Variants in SQOR observed in about 807,000 individuals in gnomAD.
SQOR encodes the protein sulfide:quinone oxidoreductase, mitochondrial.
Under a neutral mutation model 48.6 loss-of-function variants are expected in SQOR, and 39 were observed. The observed-to-expected ratio is 0.80, with a 90% CI of 0.62 to 1.05. The LOEUF (loss-of-function observed/expected upper bound fraction) is 1.05. Among genes scored for constraint, SQOR ranks in the 50% least tolerant of loss-of-function variants. SQOR has a pLI of 0.00. For missense variants in SQOR, 561 were observed against 559.9 expected, an observed-to-expected ratio of 1.00 and a Z score of -0.02; for synonymous variants, 220 against 206.2, an observed-to-expected ratio of 1.07 and a Z score of -0.57.
intron 1 of SQOR, among the ~76,000 whole-genome samples, chr15:45,638,084 G>A (rs982624451): frequency 6.6e-6 from 1 of 152,174 alleles, no homozygotes; most frequent in African/African-American, 2.4e-5. Flanking sequence ...AACCATCCCT[G>A]TGATTTACAT....
At chr15:45,674,882 G>A in intron 5 of SQOR, among the ~76,000 whole-genome samples, 1 of 152,168 alleles carries the variant, frequency 6.6e-6, no homozygotes, top group East Asian at 1.9e-4. Flanking sequence ...CTAGCAGCTA[G>A]TCGTGTATGG....
rs189198183 is a variant in SQOR at position 45,686,446 on chromosome 15, C to T, written c.1049-1891C>T. ...GGATTACAGGCGTGAGCCACCGCGC[C>T]CGGCCTCATTTAATATTTTTAAGTA... On this transcript the variant is annotated intron_variant, in intron 7 of 9. Transcript: ENST00000260324. 6.5e-4 allele frequency among the ~76,000 whole-genome samples: 99 copies of T among 152,152 alleles called. 3 individuals carry two copies. Among genetic ancestry groups the T allele is most frequent in the Admixed American group, 4.2e-3 (64 of 15,278 alleles).
At chr15:45,670,046 A>C (rs1889911268) in intron 4 of SQOR, 65 bp downstream of exon 4, 1 of 1,457,312 alleles carries the variant, frequency 6.9e-7, no homozygotes, top group Non-Finnish European at 9.6e-7. Context: ...TGCTGCATTT[A>C]GTTGCTTTAT....
At chr15:45,658,260 G>A (rs1246788155) in intron 1 of SQOR, among the ~76,000 whole-genome samples, 2 of 152,158 alleles carry the variant, frequency 1.3e-5, no homozygotes, top group African/African-American at 4.8e-5. Context: ...TGCTAGAGGT[G>A]TGGAGGGCCT....
chr15:45,691,133 G>C lies in SQOR; in HGVS notation c.*103G>C. ...AGGACTTGGAACCTATCCTTGTAAA[G>C]AGTTCCTTGATGGGTAATGGTGACC... On this transcript the variant is annotated 3_prime_UTR_variant, in exon 10 of 10. Coordinates refer to ENST00000260324, the MANE Select transcript of SQOR (RefSeq NM_021199.4). 3 of 1,032,638 alleles carry C rather than the reference G, an allele frequency of 2.9e-6. No individual in the cohort carries two copies. Among genetic ancestry groups the C allele is most frequent in the Non-Finnish European group, 4.6e-6 (3 of 651,648 alleles). 64.0% of individuals were successfully genotyped at this position (1,032,638 alleles called of 1,614,324 possible).
chr15:45,650,415 G>T (rs1012357907), intron 1 of SQOR, among the ~76,000 whole-genome samples: 6 of 152,120 alleles, frequency 3.9e-5, no homozygotes, highest in East Asian at 1.9e-4. Context: ...GTGGGTTCGT[G>T]GTCTCCCTGG....
intron 6 of SQOR, among the ~76,000 whole-genome samples, chr15:45,677,347 G>C (rs1890055746): frequency 6.6e-6 from 1 of 152,072 alleles, no homozygotes; most frequent in Non-Finnish European, 1.5e-5. Context: ...TTCTAAAATA[G>C]AAGTGTTCTC....
intron 3 of SQOR, among the ~76,000 whole-genome samples, chr15:45,664,645 C>A (rs1889781961): frequency 6.6e-6 from 1 of 152,114 alleles, no homozygotes; most frequent in African/African-American, 2.4e-5. Flanking sequence ...TAGCATTTGC[C>A]TTTTTCGTGA....
chr15:45,643,330 G>A (rs1201135129), intron 1 of SQOR, among the ~76,000 whole-genome samples: 1 of 152,052 alleles, frequency 6.6e-6, no homozygotes, highest in African/African-American at 2.4e-5. Flanking sequence ...CAAGTAGCTG[G>A]GACTACAGGT....
intron 1 of SQOR, among the ~76,000 whole-genome samples, chr15:45,645,347 G>A (rs1389094491): frequency 1.3e-5 from 2 of 152,168 alleles, no homozygotes; most frequent in Admixed American, 1.3e-4. Flanking sequence ...AAGTCAGAGG[G>A]TGTGATGGTT....
intron 2 of SQOR, among the ~76,000 whole-genome samples, chr15:45,661,302 AAAAAAAAAAAAAG>A (rs1272777675): frequency 6.6e-6 from 1 of 150,546 alleles, no homozygotes; most frequent in African/African-American, 2.4e-5. Context: ...AAAAAAAAAA[AAAAAAAAAAAAAG>A]GACCATCTGA....
intron 5 of SQOR, among the ~76,000 whole-genome samples, chr15:45,674,290 A>G (rs918729092): frequency 5.3e-5 from 8 of 152,156 alleles, no homozygotes; most frequent in Non-Finnish European, 1.0e-4. Context: ...TACAAAAAAA[A>G]TTAGCTGGGC....
chr15:45,631,164 G>A (rs879402374), upstream of SQOR: 12 of 186,374 alleles, frequency 6.4e-5, no homozygotes, highest in South Asian at 1.4e-4. Context: ...TTCTCTTGCC[G>A]CCACCATGTA....
rs566332809 is a variant in SQOR at position 45,673,852 on chromosome 15, C to T, written c.654+51C>T. On this transcript the variant is annotated intron_variant, in intron 5 of 9. Transcript: ENST00000260324. ...ATGAGCAGGGCGGACAGTGCTAATTCACTGATTGCAAGAATTCCATTTTAT... is the reference window on the plus strand; with the variant it reads ...ATGAGCAGGGCGGACAGTGCTAATTTACTGATTGCAAGAATTCCATTTTAT... 17 of 1,555,488 alleles carry T rather than the reference C, an allele frequency of 1.1e-5. No individual in the cohort carries two copies. The East Asian group carries it at 3.6e-4, about 33-fold the overall frequency.
chr15:45,665,978 C>T (rs1040215149), intron 3 of SQOR, among the ~76,000 whole-genome samples: 1 of 152,212 alleles, frequency 6.6e-6, no homozygotes, highest in African/African-American at 2.4e-5. Context: ...TCTGATTCTT[C>T]CCTGATCCGG....
chr15:45,635,019 GCGGGGC>G (rs1894972951), upstream of SQOR: 2 of 152,262 alleles, frequency 1.3e-5, no homozygotes, highest in Non-Finnish European at 2.9e-5. Flanking sequence ...TGGCAGGCGG[GCGGGGC>G]CCCAGTCCAG....
At chr15:45,635,438 C>T (rs1894985520) in intron 1 of SQOR, among the ~76,000 whole-genome samples, 3 of 152,312 alleles carry the variant, frequency 2.0e-5, no homozygotes, top group Admixed American at 1.3e-4. Context: ...GCGCCTTCCA[C>T]CTGTTGACTG....
chr15:45,676,956 G>A (rs1228260414), intron 6 of SQOR, among the ~76,000 whole-genome samples: 4 of 151,556 alleles, frequency 2.6e-5, no homozygotes, highest in South Asian at 2.1e-4. Flanking sequence ...CAGGAGAATC[G>A]CTGGAACCCA....
intron 2 of SQOR, among the ~76,000 whole-genome samples, chr15:45,661,086 A>C (rs757363301): frequency 5.9e-5 from 9 of 152,056 alleles, no homozygotes; most frequent in Non-Finnish European, 1.0e-4. Context: ...GTTCAAGACC[A>C]ACCTAGGCAA....
Sources: allele counts gnomAD v4.1 joint callset (sites outside exome capture counted in the v4.1 genomes callset), GRCh38; gene constraint gnomAD v4.1.1; transcripts MANE v1.5; gene names NCBI Gene and HGNC (gene_info 2026-07-23, HGNC 2026-07-21).